PTDSS1: variants seen among roughly 807,000 people sequenced by gnomAD.
PTDSS1 encodes the protein phosphatidylserine synthase 1.
Under a neutral mutation model 70.5 loss-of-function variants are expected in PTDSS1, and 45 were observed. The ratio of observed to expected loss-of-function variants is 0.64; its 90% confidence interval spans 0.50 to 0.82. The LOEUF (loss-of-function observed/expected upper bound fraction) is 0.82, where lower values mean the gene tolerates loss of function less well. Ranked by LOEUF, PTDSS1 falls within the 40% of genes least tolerant of loss-of-function variation. PTDSS1 has a pLI of 0.00. For missense variants in PTDSS1, 417 were observed against 586.1 expected (o/e 0.71, Z 2.98); for synonymous variants, 188 against 203.8 (o/e 0.92, Z 0.66).
chr8:96,267,694 C>T (rs1401723342), intron 1 of PTDSS1, among the ~76,000 whole-genome samples: 1 of 152,168 alleles, frequency 6.6e-6, no homozygotes, highest in Non-Finnish European at 1.5e-5. Context: ...TCAGTAGATG[C>T]CTGTCACCTA....
At chr8:96,283,969 T>G in intron 2 of PTDSS1, 140 bp from the exon 3 acceptor site, 1 of 609,630 alleles carries the variant, frequency 1.6e-6, no homozygotes, top group Non-Finnish European at 2.8e-6. Flanking sequence ...CCTCAAAGTG[T>G]TTATGTAGAA....
rs754005765 is a variant in PTDSS1, at chr8:96,262,266, G to A, written c.179+47G>A. The A allele has an allele frequency of 2.7e-6, 4 of 1,507,998 alleles. No homozygotes were observed. Among genetic ancestry groups the A allele is most frequent in the Non-Finnish European group, 3.6e-6 (4 of 1,099,688 alleles). 93.4% of individuals were successfully genotyped at this position (1,507,998 alleles called of 1,614,324 possible). ...GGGGGCGCGTCCAAGGGCTAGGGAA[G>A]AGGCGGGAGGGAGGGTGGCGGGGAG... On this transcript the variant is annotated intron_variant, in intron 1 of 12. Transcript: ENST00000517309. This position sits in a 1 kb window ranked among gnomAD's most constrained non-coding sequence, Gnocchi z 4.4.
At chr8:96,269,141 A>G (rs1173432548) in intron 1 of PTDSS1, among the ~76,000 whole-genome samples, 1 of 152,200 alleles carries the variant, frequency 6.6e-6, no homozygotes, top group Non-Finnish European at 1.5e-5. Context: ...TTGCCTCCCT[A>G]AGCTTGTCTG....
intron 2 of PTDSS1, among the ~76,000 whole-genome samples, chr8:96,276,794 G>A (rs1810648644): frequency 6.6e-6 from 1 of 152,172 alleles, no homozygotes; most frequent in African/African-American, 2.4e-5. Flanking sequence ...GACCTAGCGT[G>A]CTTTGCATCC....
Position 96,273,365 on chromosome 8 carries a change from C to T in PTDSS1, c.246C>T (p.Ile82=). Residue 82 remains isoleucine, a synonymous_variant, in exon 2 of 13, where the codon ATC becomes ATT. Coordinates refer to ENST00000517309, the MANE Select transcript of PTDSS1 (RefSeq NM_014754.3). The part of the protein sequence containing the change: ...GILSVIFFFL[I]ISVLAFPNGP... ...TCTCTGTTATTTTCTTCTTTCTTAT[C>T]ATCAGTGTGTTAGCTTTCCCCAATG... 6.2e-7 allele frequency: 1 copy of T among 1,612,578 alleles called. No individual in the cohort carries two copies. Among genetic ancestry groups the T allele is most frequent in the Non-Finnish European group, 8.5e-7 (1 of 1,179,142 alleles).
At chr8:96,277,906 T>G (rs1286453193) in intron 2 of PTDSS1, among the ~76,000 whole-genome samples, 3 of 152,242 alleles carry the variant, frequency 2.0e-5, no homozygotes, top group African/African-American at 7.2e-5. Flanking sequence ...TCAAAATGGC[T>G]TAAACACTAA....
chr8:96,310,345 A>C (rs1336831299), intron 9 of PTDSS1, among the ~76,000 whole-genome samples: 5 of 151,540 alleles, frequency 3.3e-5, no homozygotes, highest in African/African-American at 1.2e-4. Context: ...TTGTATTTTC[A>C]GTAGAGACGG....
At chr8:96,281,359 A>G (rs919686640) in intron 2 of PTDSS1, among the ~76,000 whole-genome samples, 3 of 152,196 alleles carry the variant, frequency 2.0e-5, no homozygotes, top group African/African-American at 7.2e-5. Flanking sequence ...AGGGCGGCAG[A>G]TTTGATGGTT....
At position 96,333,576 on chromosome 8, in the gene PTDSS1, G is replaced by GT. The variant is rs1399817349; in HGVS notation, c.*12dup. The GT allele has an allele frequency of 6.3e-7, 1 of 1,590,664 alleles. No individual in the cohort carries two copies. Among genetic ancestry groups the GT allele is most frequent in the Admixed American group, 1.7e-5 (1 of 59,972 alleles). On this transcript the variant is annotated 3_prime_UTR_variant, in exon 13 of 13. Transcript: ENST00000517309. ...CGTTGGAAAGAAATGAAAAACCCTG[G>GT]TTAATCAAAGATGTTCCAGAGTGCC...
intron 10 of PTDSS1, among the ~76,000 whole-genome samples, chr8:96,326,592 T>C (rs2130174723): frequency 6.6e-6 from 1 of 152,312 alleles, no homozygotes; most frequent in Non-Finnish European, 1.5e-5. Context: ...GCCCAGTGGC[T>C]CAGGAAGGTG....
intron 1 of PTDSS1, among the ~76,000 whole-genome samples, chr8:96,267,317 C>T (rs1300588116): frequency 2.0e-5 from 3 of 152,148 alleles, no homozygotes; most frequent in African/African-American, 7.2e-5. Context: ...AGGTTTCTCC[C>T]AACCTGGAGT....
chr8:96,289,694 C>CAAGA (rs1478445055), intron 4 of PTDSS1, among the ~76,000 whole-genome samples: 1 of 152,120 alleles, frequency 6.6e-6, no homozygotes, highest in Non-Finnish European at 1.5e-5. Context: ...CTTTGACAAA[C>CAAGA]AAGAAGTAAC....
At chr8:96,322,543 AT>A (rs910288658) in intron 10 of PTDSS1, among the ~76,000 whole-genome samples, 2 of 152,096 alleles carry the variant, frequency 1.3e-5, no homozygotes, top group Admixed American at 1.3e-4. Context: ...GCATCAGTCC[AT>A]TTATGGGGTG....
chr8:96,279,088 AGCCTGCT>A (rs1810694803), intron 2 of PTDSS1, among the ~76,000 whole-genome samples: 1 of 149,530 alleles, frequency 6.7e-6, no homozygotes, highest in Non-Finnish European at 1.5e-5. Flanking sequence ...CTTGTGCCTC[AGCCTGCT>A]GAGTAGCTGG....
chr8:96,316,144 G>A (rs1811285521), intron 9 of PTDSS1, among the ~76,000 whole-genome samples: 2 of 152,168 alleles, frequency 1.3e-5, no homozygotes, highest in African/African-American at 4.8e-5. Context: ...TGATCGTTGG[G>A]TTCCTACCAC....
At chr8:96,330,929 T>C (rs1811506137) in intron 11 of PTDSS1, 97 bp from the exon 12 acceptor site, 1 of 1,011,102 alleles carries the variant, frequency 9.9e-7, no homozygotes, top group Non-Finnish European at 1.5e-6. Flanking sequence ...GATCCCAGCC[T>C]GGGAGAGGCA....
chr8:96,303,021 A>G (rs914085070), intron 6 of PTDSS1, among the ~76,000 whole-genome samples: 7 of 152,216 alleles, frequency 4.6e-5, no homozygotes, highest in Admixed American at 3.3e-4. Context: ...AAAAAATCCT[A>G]TTGGTGGTTT....
At chr8:96,319,776 C>T (rs1353804085) in intron 9 of PTDSS1, among the ~76,000 whole-genome samples, 2 of 152,080 alleles carry the variant, frequency 1.3e-5, no homozygotes, top group African/African-American at 2.4e-5. Flanking sequence ...TTCTCACCTG[C>T]GACATGCTAG....
chr8:96,333,736 C>G lies in PTDSS1; in HGVS notation c.*170C>G. 1 of 745,364 alleles carries G rather than the reference C, an allele frequency of 1.3e-6. No individual in the cohort carries two copies. The highest frequency in any genetic ancestry group is 2.4e-6 in the Non-Finnish European group (1 of 422,360). 46.2% of individuals were successfully genotyped at this position (745,364 alleles called of 1,614,324 possible). ...TAAGTCTTGTTTCCCACAGACCTGG[C>G]CGCGTCAGGCAGATCATCGCCTGGG... On this transcript the variant is annotated 3_prime_UTR_variant, in exon 13 of 13. Transcript: ENST00000517309.
Sources: gnomAD v4.1 joint callset for allele counts (sites outside exome capture counted in the v4.1 genomes callset) on GRCh38, gnomAD v4.1.1 for gene constraint, Gnocchi (gnomAD v3.1) non-coding constraint, MANE v1.5 for transcripts, NCBI Gene and HGNC (gene_info 2026-07-23, HGNC 2026-07-21) for gene names.